Variants in RAB11FIP4 observed in about 807,000 individuals in gnomAD.
RAB11FIP4 encodes RAB11 family interacting protein 4, also known as rab11 family-interacting protein 4.
RAB11FIP4 carries 23 observed loss-of-function variants against 74.3 expected under a neutral mutation model. That is an observed-to-expected ratio of 0.31 (90% CI 0.22 to 0.44). The LOEUF (loss-of-function observed/expected upper bound fraction) is 0.44. RAB11FIP4 is among the 20% of genes least tolerant of loss of function. The pLI is 1.00. For missense variants in RAB11FIP4, 630 were observed against 863.9 expected (o/e 0.73, Z 3.39); for synonymous variants, 360 against 359.9 (o/e 1.00, Z 0.00).
chr17:31,432,505 G>T (rs1401324870), intron 2 of RAB11FIP4, among the ~76,000 whole-genome samples: 1 of 151,940 alleles, frequency 6.6e-6, no homozygotes. Context: ...ACTACAGGAG[G>T]TACACCACCA....
chr17:31,506,243 C>T (rs981485361), intron 3 of RAB11FIP4, among the ~76,000 whole-genome samples: 1 of 151,884 alleles, frequency 6.6e-6, no homozygotes, highest in Non-Finnish European at 1.5e-5. Flanking sequence ...AGTTTTAATC[C>T]TACATAATCT....
At chr17:31,436,438 G>C (rs12451018) in intron 3 of RAB11FIP4, among the ~76,000 whole-genome samples, 50,929 of 151,910 alleles carry the variant, frequency 0.34, 8,777 homozygotes, top group South Asian at 0.42. Flanking sequence ...CCTGGGGAGA[G>C]GGGGTGGGAG....
Position 31,528,478 on chromosome 17 carries a change from C to T in RAB11FIP4, c.1429C>T (p.Arg477Cys), listed in dbSNP as rs150273654. The T allele has an allele frequency of 2.1e-5, 34 of 1,613,648 alleles. No homozygotes were observed. The highest frequency in any genetic ancestry group is 1.6e-4 in the Middle Eastern group (1 of 6,084). ...CAAAGATGAGATGGACCTGTACAAG[C>T]GCATGATGGACAAGCTGCGACAGAA... is the stretch of plus-strand genomic sequence containing the variant. The part of the protein sequence containing the change: ...RLKDEMDLYK[R>C]MMDKLRQNRL... Residue 477 changes from arginine to cysteine, a missense_variant, in exon 12 of 15, where the codon CGC (arginine) becomes TGC (cysteine). By Grantham distance (180) the Arg-to-Cys change is radical (BLOSUM62 -3). Transcript: ENST00000621161.
intron 3 of RAB11FIP4, among the ~76,000 whole-genome samples, chr17:31,469,731 G>A (rs932634040): frequency 6.6e-6 from 1 of 152,066 alleles, no homozygotes; most frequent in Non-Finnish European, 1.5e-5. Context: ...CGAAAGAGTA[G>A]GGAAGAATTC....
intron 8 of RAB11FIP4, 51 bp downstream of exon 8, chr17:31,523,662 G>T (rs756433689): frequency 1.3e-6 from 2 of 1,525,682 alleles, no homozygotes; most frequent in Non-Finnish European, 1.8e-6. Flanking sequence ...TGCTCCCAGG[G>T]GAGATGGGGT....
intron 1 of RAB11FIP4, among the ~76,000 whole-genome samples, chr17:31,429,976 T>TAACATGG (rs2071291321): frequency 6.6e-6 from 1 of 152,220 alleles, no homozygotes; most frequent in South Asian, 2.1e-4. Flanking sequence ...AATCTCTTTT[T>TAACATGG]AGTTAACAAT....
intron 1 of RAB11FIP4, among the ~76,000 whole-genome samples, chr17:31,423,260 T>A (rs1005012959): frequency 6.6e-6 from 1 of 152,252 alleles, no homozygotes; most frequent in East Asian, 1.9e-4. Flanking sequence ...GCTTTTCCTG[T>A]TTCTTTGTAT....
intron 1 of RAB11FIP4, among the ~76,000 whole-genome samples, chr17:31,406,446 A>G (rs2071042337): frequency 6.6e-6 from 1 of 152,218 alleles, no homozygotes; most frequent in Non-Finnish European, 1.5e-5. Context: ...TTTTCTAAAA[A>G]TGGTCGTGTC....
At position 31,434,134 on chromosome 17, in the gene RAB11FIP4, G is replaced by A. The variant is rs2071336683; in HGVS notation, c.336+12G>A. The stretch of plus-strand genomic sequence containing the variant: ...ACTGCGTGGAGCAGGTAAGGCTTGG[G>A]GGGCCTCAAGGACCTCCATGGCTCT... On this transcript the variant is annotated intron_variant, in intron 3 of 14. Transcript: ENST00000621161. 6.4e-7 allele frequency: 1 copy of A among 1,562,788 alleles called. No individual in the cohort carries two copies. The highest frequency in any genetic ancestry group is 1.3e-5 in the African/African-American group (1 of 74,744).
chr17:31,530,240 CG>C (rs2072843590), intron 13 of RAB11FIP4, 85 bp from the exon 14 acceptor site: 3 of 1,535,658 alleles, frequency 2.0e-6, no homozygotes, highest in Non-Finnish European at 2.7e-6. Flanking sequence ...GGCGGCAGGT[CG>C]GGGACGGTGG....
chr17:31,505,507 T>G (rs1156956101), intron 3 of RAB11FIP4, among the ~76,000 whole-genome samples: 3 of 63,300 alleles, frequency 4.7e-5, no homozygotes, highest in Non-Finnish European at 6.3e-5. Context: ...TATTATATTA[T>G]ATATAATAAT....
chr17:31,475,657 G>A (rs1461830425), intron 3 of RAB11FIP4, among the ~76,000 whole-genome samples: 8 of 152,192 alleles, frequency 5.3e-5, no homozygotes, highest in Admixed American at 5.2e-4. Flanking sequence ...TCACGGTGGT[G>A]AAGATGTGAG....
At chr17:31,413,129 G>GGC (rs1159138455) in intron 1 of RAB11FIP4, among the ~76,000 whole-genome samples, 4 of 152,288 alleles carry the variant, frequency 2.6e-5, no homozygotes, top group African/African-American at 9.6e-5. Context: ...AGGGAGGACT[G>GGC]GCGGGAGCTT....
chr17:31,460,379 C>T (rs1052113434), intron 3 of RAB11FIP4, among the ~76,000 whole-genome samples: 1 of 152,152 alleles, frequency 6.6e-6, no homozygotes, highest in South Asian at 2.1e-4. Context: ...CACAGCTTGG[C>T]CCTTCCCCGT....
intron 3 of RAB11FIP4, among the ~76,000 whole-genome samples, chr17:31,474,416 A>G (rs932929821): frequency 9.9e-5 from 15 of 152,148 alleles, no homozygotes; most frequent in Admixed American, 5.2e-4. Context: ...TCACACCTGT[A>G]ATCCCAGCAC....
At chr17:31,447,240 T>C (rs911379404) in intron 3 of RAB11FIP4, among the ~76,000 whole-genome samples, 7 of 152,146 alleles carry the variant, frequency 4.6e-5, no homozygotes, top group African/African-American at 7.2e-5. Flanking sequence ...GCCGAGATTG[T>C]GCCACTGCAC....
chr17:31,440,594 C>T (rs961836684), intron 3 of RAB11FIP4, among the ~76,000 whole-genome samples: 1 of 152,138 alleles, frequency 6.6e-6, no homozygotes, highest in African/African-American at 2.4e-5. Flanking sequence ...CATGGTGAAA[C>T]CCCATCTCTA....
chr17:31,435,210 A>C (rs985656312), intron 3 of RAB11FIP4, among the ~76,000 whole-genome samples: 1 of 152,146 alleles, frequency 6.6e-6, no homozygotes, highest in Non-Finnish European at 1.5e-5. Flanking sequence ...CAGTTTTTAC[A>C]ACCCAGTCTC....
intron 1 of RAB11FIP4, among the ~76,000 whole-genome samples, chr17:31,403,958 G>T (rs1260233737): frequency 6.6e-6 from 1 of 152,212 alleles, no homozygotes; most frequent in South Asian, 2.1e-4. Context: ...AGGATGGGCG[G>T]CCAGGGGCCC....
Sources: allele counts gnomAD v4.1 joint callset (sites outside exome capture counted in the v4.1 genomes callset), GRCh38; gene constraint gnomAD v4.1.1; transcripts MANE v1.5; gene names NCBI Gene and HGNC (gene_info 2026-07-23, HGNC 2026-07-21).